CAST: variants seen among roughly 807,000 people sequenced by gnomAD.
CAST encodes MIR583 host.
Under a neutral mutation model 119.6 loss-of-function variants are expected in CAST, and 76 were observed. That is an observed-to-expected ratio of 0.64 (90% CI 0.53 to 0.77). The LOEUF is 0.77. Among genes scored for constraint, CAST ranks in the 30% least tolerant of loss-of-function variants. The pLI, the probability that CAST is intolerant of heterozygous loss-of-function variation, is 0.00. For synonymous variants in CAST, 319 were observed against 331.6 expected (o/e 0.96, Z 0.41); for missense variants, 953 against 946.5 (o/e 1.01, Z -0.09).
chr5:96,535,853 G>A (rs565510105), intron 1 of CAST, among the ~76,000 whole-genome samples: 100 of 151,254 alleles, frequency 6.6e-4, no homozygotes, highest in African/African-American at 2.3e-3. Context: ...GATTACAGGC[G>A]TGAGCCACTG....
At chr5:96,702,933 C>T (rs1218732424) in intron 3 of CAST, 5 of 985,472 alleles carry the variant, frequency 5.1e-6, no homozygotes, top group Non-Finnish European at 6.0e-6. Flanking sequence ...CTGTCTTCCG[C>T]CGCTTTGCTC....
the CAST span, among the ~76,000 whole-genome samples, chr5:96,117,388 C>T: frequency 3.5e-3 from 530 of 152,256 alleles, 2 homozygotes; most frequent in African/African-American, 0.012. Flanking sequence ...AACCCTGTCA[C>T]GTTAACCATG....
chr5:96,702,727 C>T (rs1754079885), intron 3 of CAST: 1 of 979,922 alleles, frequency 1.0e-6, no homozygotes, highest in Non-Finnish European at 1.2e-6. Context: ...ATCCCGGGCT[C>T]CCGGGGCGGG....
the CAST span, among the ~76,000 whole-genome samples, chr5:96,471,135 A>T: frequency 1.3e-5 from 2 of 152,086 alleles, no homozygotes; most frequent in African/African-American, 4.8e-5. Flanking sequence ...CAGATTGAAG[A>T]CAGGTCAAAT....
chr5:96,601,379 G>A (rs142820260), intron 1 of CAST, among the ~76,000 whole-genome samples: 4 of 152,136 alleles, frequency 2.6e-5, no homozygotes, highest in Admixed American at 1.3e-4. Flanking sequence ...ACTAATTTCC[G>A]CAGGATCTGT....
chr5:96,390,208 G>A, the CAST span, among the ~76,000 whole-genome samples: 9 of 152,256 alleles, frequency 5.9e-5, no homozygotes, highest in Non-Finnish European at 8.8e-5. Context: ...CCTTGTTCAG[G>A]TAGATTCTTA....
chr5:96,184,896 G>C, the CAST span, among the ~76,000 whole-genome samples: 3 of 152,232 alleles, frequency 2.0e-5, no homozygotes, highest in African/African-American at 7.2e-5. Context: ...AGGTCAAATG[G>C]TATTTCTGCC....
the CAST span, among the ~76,000 whole-genome samples, chr5:96,107,178 A>G: frequency 2.2e-4 from 33 of 151,884 alleles, no homozygotes; most frequent in East Asian, 3.3e-3. Context: ...TCTTTATCCA[A>G]TTTGCCAGTC....
At chr5:96,008,345 A>G in the CAST span, among the ~76,000 whole-genome samples, 689 of 152,322 alleles carry the variant, frequency 4.5e-3, 5 homozygotes, top group African/African-American at 0.015. Flanking sequence ...ATCCAAAAAT[A>G]TATGATTTTT....
the CAST span, among the ~76,000 whole-genome samples, chr5:96,362,994 A>C: frequency 0.72 from 108,273 of 150,532 alleles, 40,206 homozygotes; most frequent in African/African-American, 0.91. Context: ...TTTAATCCAT[A>C]TTGAATTAAT....
the CAST span, among the ~76,000 whole-genome samples, chr5:96,270,993 A>T: frequency 7.0e-6 from 1 of 142,488 alleles, no homozygotes; most frequent in Non-Finnish European, 1.6e-5. Context: ...CTAACAGCAA[A>T]TAATATTTAA....
the CAST span, among the ~76,000 whole-genome samples, chr5:96,173,629 C>A: frequency 6.6e-6 from 1 of 152,088 alleles, no homozygotes; most frequent in African/African-American, 2.4e-5. Flanking sequence ...TACATTATAT[C>A]GAGGTTTTCT....
At chr5:96,651,899 G>A (rs1748098922) in intron 1 of CAST, among the ~76,000 whole-genome samples, 1 of 152,176 alleles carries the variant, frequency 6.6e-6, no homozygotes. Flanking sequence ...TTTCAGGGGA[G>A]AGAAGGAATA....
the CAST span, among the ~76,000 whole-genome samples, chr5:96,388,949 T>C: frequency 6.6e-6 from 1 of 151,986 alleles, no homozygotes; most frequent in Admixed American, 6.5e-5. Flanking sequence ...CCACTTGCAA[T>C]AAATGAATGA....
chr5:96,663,943 A>C (rs1369479477), intron 1 of CAST, among the ~76,000 whole-genome samples: 1 of 87,854 alleles, frequency 1.1e-5, no homozygotes, highest in East Asian at 4.1e-4. Flanking sequence ...GCTTTCCAAA[A>C]AAAAAAAAAA....
intron 25 of CAST, among the ~76,000 whole-genome samples, chr5:96,764,381 G>A (rs760568763): frequency 9.9e-5 from 15 of 152,148 alleles, no homozygotes; most frequent in Non-Finnish European, 1.8e-4. Flanking sequence ...GTAAATAAAT[G>A]TTAGAGGAAA....
chr5:96,662,927 C>G (rs2150215170), intron 1 of CAST: 10 of 590,384 alleles, frequency 1.7e-5, no homozygotes, highest in South Asian at 4.1e-5. Context: ...TAACCAGCCT[C>G]GAGCCAAATT....
chr5:96,075,668 G>A, the CAST span, among the ~76,000 whole-genome samples: 1 of 152,158 alleles, frequency 6.6e-6, no homozygotes, highest in Non-Finnish European at 1.5e-5. Context: ...GTTTCATTGA[G>A]CAAAAGGGGA....
the CAST span, among the ~76,000 whole-genome samples, chr5:96,098,178 T>G: frequency 6.6e-6 from 1 of 152,196 alleles, no homozygotes; most frequent in East Asian, 1.9e-4. Context: ...TGGGGTTTGT[T>G]TTTTCTTGTA....
Sources: allele counts gnomAD v4.1 joint callset (sites outside exome capture counted in the v4.1 genomes callset), GRCh38; gene constraint gnomAD v4.1.1; transcripts MANE v1.5; gene names NCBI Gene and HGNC (gene_info 2026-07-23, HGNC 2026-07-21).